The following CHN2 variants were observed in gnomAD, a reference collection of about 807,000 sequenced individuals.
The protein encoded by CHN2 is beta-chimaerin.
In CHN2, 35 loss-of-function variants were observed where a neutral mutation model predicts 56.3. The observed-to-expected ratio is 0.62, with a 90% confidence interval of 0.47 to 0.82. CHN2 has a LOEUF of 0.82. Among genes scored for constraint, CHN2 ranks in the 40% least tolerant of loss-of-function variants. The pLI is 0.00. For missense variants in CHN2, 491 were observed against 580.5 expected, an observed-to-expected ratio of 0.85 and a Z score of 1.58; for synonymous variants, 210 against 212.8, an observed-to-expected ratio of 0.99 and a Z score of 0.12.
In CHN2 at chr7:29,373,165, G is replaced by A. The variant is rs189804714; in HGVS notation, c.144+5178G>A. Among the ~76,000 whole-genome samples, 45 of 152,138 alleles carry A rather than the reference G, an allele frequency of 3.0e-4. No individual in the cohort carries two copies. The East Asian group carries it at 7.1e-3, about 24-fold the overall frequency. ...GTCAGAAGTTAGACCAAGTACTGAT[G>A]GCAGTGGCCAATCTTTTTTTTTTTT... is the stretch of plus-strand genomic sequence containing the variant. On this transcript the variant is annotated intron_variant, in intron 3 of 12. Transcript: ENST00000222792.
At chr7:29,195,896 A>T (rs1030901724) in intron 1 of CHN2, among the ~76,000 whole-genome samples, 2 of 152,146 alleles carry the variant, frequency 1.3e-5, no homozygotes, top group African/African-American at 2.4e-5. Flanking sequence ...AATCAGAATG[A>T]TGCATTAGGT....
chr7:29,507,794 A>G lies in CHN2; in HGVS notation c.1129+429A>G, dbSNP rs1159025845. ...TATACTAACATTAATGATAGCTTTA[A>G]TGATAATTTTAAATAATTTTTAAAA... On this transcript the variant is annotated intron_variant, in intron 11 of 12. Transcript: ENST00000222792. 2.6e-5 allele frequency among the ~76,000 whole-genome samples: 4 copies of G among 152,212 alleles called. No individual in the cohort carries two copies. The East Asian group carries it at 7.7e-4, about 29-fold the overall frequency.
At chr7:29,468,153 C>T (rs768110243) in intron 6 of CHN2, among the ~76,000 whole-genome samples, 1 of 119,202 alleles carries the variant, frequency 8.4e-6, no homozygotes, top group East Asian at 2.8e-4. Flanking sequence ...CCCCCCCCCC[C>T]CCGCCCGACT....
intron 1 of CHN2, among the ~76,000 whole-genome samples, chr7:29,233,276 T>C (rs1231370576): frequency 6.6e-6 from 1 of 152,260 alleles, no homozygotes; most frequent in Non-Finnish European, 1.5e-5. Context: ...TCATGTAATA[T>C]GCCTAGAATG....
At position 29,512,738 on chromosome 7, in the gene CHN2, C is replaced by A; in HGVS notation, c.*3C>A. ...AAAACGAAGACGTTTTATTCTAATC[C>A]ATCAGGGAAATGAGCTGAATGGCCC... On this transcript the variant is annotated 3_prime_UTR_variant, in exon 13 of 13. Coordinates refer to ENST00000222792, the MANE Select transcript of CHN2 (RefSeq NM_004067.4). The A allele has an allele frequency of 6.2e-7, 1 of 1,613,542 alleles. No homozygotes were observed. The highest frequency in any genetic ancestry group is 8.5e-7 in the Non-Finnish European group (1 of 1,179,812).
At chr7:29,269,861 C>T (rs1194973516) in intron 1 of CHN2, among the ~76,000 whole-genome samples, 2 of 152,086 alleles carry the variant, frequency 1.3e-5, no homozygotes, top group Non-Finnish European at 2.9e-5. Context: ...TGAAACCTTC[C>T]CCTCAAATCA....
chr7:29,459,636 C>CTCACAGAGCAGCTG (rs1785006450), intron 6 of CHN2, among the ~76,000 whole-genome samples: 1 of 152,160 alleles, frequency 6.6e-6, no homozygotes, highest in African/African-American at 2.4e-5. Context: ...CTGACCCAGC[C>CTCACAGAGCAGCTG]TCACAGAGCA....
intron 2 of CHN2, among the ~76,000 whole-genome samples, chr7:29,182,918 A>G (rs965220905): frequency 1.3e-5 from 2 of 152,170 alleles, no homozygotes; most frequent in African/African-American, 4.8e-5. Context: ...AATCCAGAAC[A>G]AAGATAAACA....
chr7:29,393,408 A>T (rs1206764333), intron 3 of CHN2, among the ~76,000 whole-genome samples: 1 of 152,200 alleles, frequency 6.6e-6, no homozygotes, highest in Non-Finnish European at 1.5e-5. Flanking sequence ...CTTAATATTA[A>T]AATAAGCATC....
intron 2 of CHN2, among the ~76,000 whole-genome samples, chr7:29,163,871 C>A (rs895099704): frequency 6.6e-6 from 1 of 152,274 alleles, no homozygotes; most frequent in East Asian, 1.9e-4. Context: ...CTTTTCATTG[C>A]TGAATTCATT....
intron 3 of CHN2, among the ~76,000 whole-genome samples, chr7:29,386,966 T>TA (rs1253796764): frequency 6.6e-6 from 1 of 152,216 alleles, no homozygotes; most frequent in Non-Finnish European, 1.5e-5. Context: ...ACAAAGGCAT[T>TA]AGCGCTGATT....
At chr7:29,363,511 T>C (rs987748630) in intron 2 of CHN2, among the ~76,000 whole-genome samples, 1 of 152,054 alleles carries the variant, frequency 6.6e-6, no homozygotes, top group Non-Finnish European at 1.5e-5. Context: ...ACCACCACCA[T>C]CTACTATGTG....
intron 1 of CHN2, among the ~76,000 whole-genome samples, chr7:29,344,825 G>T (rs901118996): frequency 6.6e-6 from 1 of 152,136 alleles, no homozygotes; most frequent in African/African-American, 2.4e-5. Flanking sequence ...GAGCCTGACT[G>T]CCCCTGCCCC....
chr7:29,153,783 T>C (rs1218060087), intron 2 of CHN2, among the ~76,000 whole-genome samples: 1 of 152,162 alleles, frequency 6.6e-6, no homozygotes, highest in Non-Finnish European at 1.5e-5. Flanking sequence ...TTGGCCAGGC[T>C]GGTCTCGAAC....
At position 29,391,904 on chromosome 7, in the gene CHN2, A is replaced by T. The variant is rs116960271; in HGVS notation, c.145-1775A>T. Among the ~76,000 whole-genome samples the T allele has an allele frequency of 2.1e-4, 32 of 152,328 alleles. 1 individual carries two copies. The East Asian group carries it at 6.2e-3, about 29-fold the overall frequency. On this transcript the variant is annotated intron_variant, in intron 3 of 12. Transcript: ENST00000222792. ...TAAGAATCAATTAAATTCAGCATCT[A>T]TTAACTGTTTACCTGCATGCCAAGA...
chr7:29,292,888 C>G (rs1010741621), intron 1 of CHN2: 1 of 456,278 alleles, frequency 2.2e-6, no homozygotes, highest in Non-Finnish European at 4.4e-6. Context: ...TTACAATAAC[C>G]TCTTAACTGG....
chr7:29,187,093 T>G (rs1359300237), intron 2 of CHN2, among the ~76,000 whole-genome samples: 3 of 152,172 alleles, frequency 2.0e-5, no homozygotes, highest in African/African-American at 7.2e-5. Flanking sequence ...AGAGTGACTT[T>G]TCTATATCAC....
intron 6 of CHN2, among the ~76,000 whole-genome samples, chr7:29,424,480 G>A (rs926467110): frequency 1.3e-5 from 2 of 152,054 alleles, no homozygotes; most frequent in Non-Finnish European, 2.9e-5. Context: ...ACTTTCGGTG[G>A]CCTCCCCCAA....
At chr7:29,510,461 G>GAAGGCTTGATGGTGGTA (rs929987042) in intron 12 of CHN2, among the ~76,000 whole-genome samples, 8 of 152,252 alleles carry the variant, frequency 5.3e-5, no homozygotes, top group African/African-American at 1.9e-4. Flanking sequence ...ATTCACTCCT[G>GAAGGCTTGATGGTGGTA]AAGGCTTGAT....
Sources: gnomAD v4.1 joint callset for allele counts (sites outside exome capture counted in the v4.1 genomes callset) on GRCh38, gnomAD v4.1.1 for gene constraint, MANE v1.5 for transcripts, NCBI Gene and HGNC (gene_info 2026-07-23, HGNC 2026-07-21) for gene names.